The following TPTE2 variants were observed in gnomAD, a reference collection of about 807,000 sequenced individuals.
TPTE2 encodes phosphatidylinositol 3,4,5-trisphosphate 3-phosphatase TPTE2.
In TPTE2, 53 loss-of-function variants were observed where a neutral mutation model predicts 78.6. That is an observed-to-expected ratio of 0.67 (90% CI 0.54 to 0.85). The LOEUF (loss-of-function observed/expected upper bound fraction) is 0.85. TPTE2 is among the 40% of genes least tolerant of loss of function. The probability of loss-of-function intolerance (pLI) is 0.00; values close to 1 mark genes in which losing one functional copy is unlikely to be tolerated. For synonymous variants in TPTE2, 175 were observed against 206.2 expected, an observed-to-expected ratio of 0.85 and a Z score of 1.30; for missense variants, 461 against 623.0, an observed-to-expected ratio of 0.74 and a Z score of 2.77.
chr13:19,439,989 C>T (rs1877383287), intron 13 of TPTE2, among the ~76,000 whole-genome samples: 1 of 151,794 alleles, frequency 6.6e-6, no homozygotes, highest in Admixed American at 6.6e-5. Flanking sequence ...ACTGGCATGC[C>T]CTAGAGAGAA....
intron 3 of TPTE2, among the ~76,000 whole-genome samples, chr13:19,487,572 T>C (rs1166328420): frequency 1.3e-5 from 2 of 152,124 alleles, no homozygotes; most frequent in Admixed American, 1.3e-4. Flanking sequence ...ATTATTCCTC[T>C]GTCTGGAAGT....
At chr13:19,548,686 C>A in the TPTE2 span, among the ~76,000 whole-genome samples, 1 of 151,380 alleles carries the variant, frequency 6.6e-6, no homozygotes, top group Non-Finnish European at 1.5e-5. Flanking sequence ...TGGACCCCCA[C>A]CTTTGACCAT....
the TPTE2 span, among the ~76,000 whole-genome samples, chr13:19,547,087 C>CAA: frequency 2.2e-3 from 311 of 142,916 alleles, 4 homozygotes; most frequent in Admixed American, 0.011. Context: ...TAAAAGTTAC[C>CAA]AAAAAAAAAA....
upstream of TPTE2, among the ~76,000 whole-genome samples, chr13:19,540,340 C>T (rs1239863440): frequency 6.6e-6 from 1 of 150,396 alleles, no homozygotes; most frequent in African/African-American, 2.4e-5. Context: ...CTAGCTCTGT[C>T]ACCCAGGCTG....
intron 13 of TPTE2, among the ~76,000 whole-genome samples, chr13:19,445,382 C>A (rs1466924527): frequency 6.7e-6 from 1 of 149,704 alleles, no homozygotes; most frequent in Non-Finnish European, 1.5e-5. Context: ...TATAGAAATG[C>A]AAATGATCAC....
chr13:19,445,092 T>C (rs1201093193), intron 13 of TPTE2, among the ~76,000 whole-genome samples: 2 of 152,158 alleles, frequency 1.3e-5, no homozygotes, highest in African/African-American at 4.8e-5. Flanking sequence ...AGGGAAAGCA[T>C]GATACATATG....
At chr13:19,528,098 T>C (rs1870624269) in intron 1 of TPTE2, among the ~76,000 whole-genome samples, 1 of 152,042 alleles carries the variant, frequency 6.6e-6, no homozygotes, top group South Asian at 2.1e-4. Context: ...AGTACCTTTC[T>C]TGGCCGGGTG....
intron 6 of TPTE2, 87 bp from the exon 10 acceptor site, chr13:19,467,431 T>A (rs1001848158): frequency 2.0e-5 from 21 of 1,045,928 alleles, no homozygotes; most frequent in African/African-American, 3.4e-5. Flanking sequence ...TACTGACTCA[T>A]CCCCATTAAG....
chr13:19,536,808 G>C (rs1325008937), upstream of TPTE2: 1 of 151,692 alleles, frequency 6.6e-6, no homozygotes, highest in African/African-American at 2.4e-5. Flanking sequence ...GTTTTTTTGG[G>C]GGGGTATGTT....
At chr13:19,522,746 C>T (rs1199998753) in intron 1 of TPTE2, among the ~76,000 whole-genome samples, 1 of 151,502 alleles carries the variant, frequency 6.6e-6, no homozygotes, top group African/African-American at 2.4e-5. Context: ...CCTCAGCCTC[C>T]CGAGTAGCTA....
chr13:19,536,931 GAAAT>G (rs1239586990), upstream of TPTE2, among the ~76,000 whole-genome samples: 28 of 150,504 alleles, frequency 1.9e-4, no homozygotes, highest in African/African-American at 2.7e-4. Flanking sequence ...ATATGAATAT[GAAAT>G]AAATGTTATA....
upstream of TPTE2, among the ~76,000 whole-genome samples, chr13:19,537,174 T>C (rs1008478962): frequency 3.3e-5 from 5 of 151,856 alleles, no homozygotes; most frequent in Admixed American, 6.6e-5. Context: ...TTTTCTTCTA[T>C]GAAATGTATG....
intron 7 of TPTE2, among the ~76,000 whole-genome samples, chr13:19,466,269 T>C (rs568636877): frequency 1.3e-5 from 2 of 152,316 alleles, no homozygotes; most frequent in South Asian, 4.1e-4. Flanking sequence ...GGGCCTAAGG[T>C]ATTTTTCTTC....
At chr13:19,463,694 C>T (rs1879083891) in intron 10 of TPTE2, among the ~76,000 whole-genome samples, 2 of 151,932 alleles carry the variant, frequency 1.3e-5, no homozygotes, top group Admixed American at 6.6e-5. Context: ...GGTGCTTTGA[C>T]TTTGGTTCTG....
chr13:19,429,634 C>A (rs899212982), intron 17 of TPTE2, among the ~76,000 whole-genome samples: 1 of 152,150 alleles, frequency 6.6e-6, no homozygotes, highest in East Asian at 1.9e-4. Context: ...GAACAGAAAG[C>A]CAAGGGTCAG....
intron 4 of TPTE2, among the ~76,000 whole-genome samples, chr13:19,479,942 C>G (rs929441196): frequency 7.0e-6 from 1 of 143,836 alleles, no homozygotes; most frequent in African/African-American, 2.6e-5. Flanking sequence ...AGCCTGGTGA[C>G]AGAGCGAGAC....
rs150523596 is a variant in TPTE2, at chr13:19,426,548, C to T, written c.1303-31G>A. 5,677 of 1,328,926 alleles carry T rather than the reference C, an allele frequency of 4.3e-3. 213 individuals carry two copies. The African/African-American group carries it at 0.072, about 17-fold the overall frequency. The allele number at this position is 1,328,926 out of a possible 1,614,324, so 82.3% of individuals were successfully genotyped here. A position where few individuals can be genotyped will look rare whatever the true frequency, so the allele number is the denominator to read the frequency against. ...AATGAACACATGGAATTGAGAACTA[C>T]AAACCTAGATAACGATAACAAAAGT... is the stretch of plus-strand genomic sequence containing the variant. On this transcript the variant is annotated intron_variant, in intron 17 of 19. Transcript: ENST00000400230.
intron 17 of TPTE2, among the ~76,000 whole-genome samples, chr13:19,430,050 A>T (rs1333894950): frequency 2.0e-5 from 3 of 152,156 alleles, no homozygotes; most frequent in Admixed American, 1.3e-4. Flanking sequence ...TAGGAATGTA[A>T]ATCTTTACAA....
intron 14 of TPTE2, among the ~76,000 whole-genome samples, chr13:19,437,773 A>C (rs1877206117): frequency 6.6e-6 from 1 of 152,092 alleles, no homozygotes; most frequent in African/African-American, 2.4e-5. Context: ...CATACATCAT[A>C]GATTTTTTGC....
Sources: gnomAD v4.1 joint callset for allele counts (sites outside exome capture counted in the v4.1 genomes callset) on GRCh38, gnomAD v4.1.1 for gene constraint, MANE v1.5 for transcripts, NCBI Gene and HGNC (gene_info 2026-07-23, HGNC 2026-07-21) for gene names.